NRXN3: variants seen among roughly 807,000 people sequenced by gnomAD.
NRXN3 encodes the protein neurexin III.
A neutral mutation model predicts 137.6 loss-of-function variants in NRXN3; 32 were observed. That is an observed-to-expected ratio of 0.23 (90% CI 0.18 to 0.31). The LOEUF is 0.31. Ranked by LOEUF, NRXN3 falls within the 10% of genes least tolerant of loss-of-function variation. The pLI is 1.00. For synonymous variants in NRXN3, 798 were observed against 784.5 expected, an observed-to-expected ratio of 1.02 and a Z score of -0.29; for missense variants, 1,574 against 2,062.5, an observed-to-expected ratio of 0.76 and a Z score of 4.59.
chr14:79,513,518 C>T (rs1354067458), intron 16 of NRXN3, among the ~76,000 whole-genome samples: 1 of 152,190 alleles, frequency 6.6e-6, no homozygotes, highest in Non-Finnish European at 1.5e-5. Flanking sequence ...GAAGACAAAA[C>T]CAGTTCTACA....
intron 15 of NRXN3, among the ~76,000 whole-genome samples, chr14:79,465,724 T>C (rs911019898): frequency 6.6e-6 from 1 of 152,192 alleles, no homozygotes; most frequent in African/African-American, 2.4e-5. Flanking sequence ...GTAAAAGGTA[T>C]CTGAATGGTT....
At chr14:78,651,891 G>C (rs2097748430) in intron 6 of NRXN3, among the ~76,000 whole-genome samples, 2 of 152,186 alleles carry the variant, frequency 1.3e-5, no homozygotes, top group African/African-American at 4.8e-5. Context: ...TTTGGGTGGG[G>C]ACACAGCCAA....
chr14:79,694,326 C>T (rs1481457636), intron 18 of NRXN3, among the ~76,000 whole-genome samples: 1 of 151,886 alleles, frequency 6.6e-6, no homozygotes, highest in East Asian at 1.9e-4. Flanking sequence ...TGACTGGAGA[C>T]ATGCAAAGAT....
intron 19 of NRXN3, among the ~76,000 whole-genome samples, chr14:79,778,304 T>C (rs1458300748): frequency 6.6e-6 from 1 of 152,126 alleles, no homozygotes; most frequent in Non-Finnish European, 1.5e-5. Context: ...TAATCCCAAC[T>C]ACTCAGGAGG....
intron 15 of NRXN3, among the ~76,000 whole-genome samples, chr14:79,018,763 C>G (rs1159088929): frequency 6.6e-6 from 1 of 152,144 alleles, no homozygotes; most frequent in African/African-American, 2.4e-5. Context: ...TTGCTAGTGT[C>G]TCAATATTTG....
intron 20 of NRXN3, among the ~76,000 whole-genome samples, chr14:79,816,679 A>G (rs1157916121): frequency 6.6e-6 from 1 of 152,212 alleles, no homozygotes; most frequent in African/African-American, 2.4e-5. Context: ...ATCCCATTAC[A>G]TAGTTAGGTT....
At chr14:78,233,294 A>G (rs1448530096) in intron 1 of NRXN3, among the ~76,000 whole-genome samples, 4 of 152,134 alleles carry the variant, frequency 2.6e-5, no homozygotes, top group African/African-American at 7.2e-5. Flanking sequence ...GTTAGTGAAA[A>G]GACAGTCTGG....
At chr14:78,593,161 G>A (rs1046494771) in intron 4 of NRXN3, among the ~76,000 whole-genome samples, 4 of 152,156 alleles carry the variant, frequency 2.6e-5, no homozygotes, top group Admixed American at 2.0e-4. Context: ...ATTGCTGCTG[G>A]ATAGCTGTGT....
chr14:78,182,987 A>C (rs2059944425), intron 1 of NRXN3, among the ~76,000 whole-genome samples: 1 of 152,148 alleles, frequency 6.6e-6, no homozygotes, highest in African/African-American at 2.4e-5. Flanking sequence ...ACATCTCTGC[A>C]TCCTGCCTGG....
intron 10 of NRXN3, among the ~76,000 whole-genome samples, chr14:78,860,538 T>A (rs149052654): frequency 5.9e-5 from 9 of 152,146 alleles, no homozygotes; most frequent in Non-Finnish European, 1.2e-4. Context: ...CAAGTGCACA[T>A]GTACACCTCT....
chr14:78,297,911 G>A (rs1040904221), intron 4 of NRXN3, 51 bp downstream of exon 4: 21 of 1,534,374 alleles, frequency 1.4e-5, no homozygotes, highest in African/African-American at 9.6e-5. Context: ...GCTTGCCTCC[G>A]TGCCTCTGGC....
intron 16 of NRXN3, among the ~76,000 whole-genome samples, chr14:79,634,285 T>G (rs997072059): frequency 2.0e-5 from 3 of 151,254 alleles, no homozygotes. Flanking sequence ...GACGGGCTAG[T>G]CCAGGAATCA....
chr14:79,198,981 A>G (rs2065519535), intron 15 of NRXN3, among the ~76,000 whole-genome samples: 3 of 152,202 alleles, frequency 2.0e-5, no homozygotes, highest in African/African-American at 7.2e-5. Flanking sequence ...CCTGGCTAAC[A>G]TGGTGAAACC....
intron 15 of NRXN3, among the ~76,000 whole-genome samples, chr14:79,198,518 T>G (rs999619405): frequency 3.9e-5 from 6 of 152,262 alleles, no homozygotes; most frequent in Non-Finnish European, 7.3e-5. Context: ...TAGACAGCTA[T>G]GCCACAGCTG....
At chr14:79,702,308 A>G (rs1446557696) in intron 19 of NRXN3, among the ~76,000 whole-genome samples, 1 of 152,028 alleles carries the variant, frequency 6.6e-6, no homozygotes, top group Non-Finnish European at 1.5e-5. Context: ...ATTCCTTACC[A>G]TCGTGGAATT....
chr14:79,444,844 AATAAC>A, intron 15 of NRXN3, among the ~76,000 whole-genome samples: 1 of 152,314 alleles, frequency 6.6e-6, no homozygotes, highest in East Asian at 1.9e-4. Flanking sequence ...TAAATTTAAA[AATAAC>A]ATTAATTAAT....
At chr14:78,703,355 G>T (rs943927720) in intron 6 of NRXN3, among the ~76,000 whole-genome samples, 5 of 152,174 alleles carry the variant, frequency 3.3e-5, no homozygotes, top group Admixed American at 3.3e-4. Flanking sequence ...GGCAGAGACA[G>T]TGGGATGTGT....
chr14:79,254,996 T>G (rs74571295), intron 15 of NRXN3, among the ~76,000 whole-genome samples: 1 of 152,158 alleles, frequency 6.6e-6, no homozygotes, highest in African/African-American at 2.4e-5. Context: ...CTCCCATAAT[T>G]GCTTGGAAGG....
Position 79,246,078 on chromosome 14 carries a change from G to C in NRXN3, c.3263-221143G>C, listed in dbSNP as rs138870363. Among the ~76,000 whole-genome samples, 486 of 152,216 alleles carry C rather than the reference G, an allele frequency of 3.2e-3. 2 individuals are homozygous for C. The highest frequency in any genetic ancestry group is 0.011 in the African/African-American group (457 of 41,542). On this transcript the variant is annotated intron_variant, in intron 15 of 20. Coordinates refer to ENST00000335750, the MANE Select transcript of NRXN3 (RefSeq NM_001330195.2). ...AAATATTGCTGGAACACTATAGTGT[G>C]GGCACTTCAATGTAGTTTTCCTATT...
Sources: gnomAD v4.1 joint callset for allele counts (sites outside exome capture counted in the v4.1 genomes callset) on GRCh38, gnomAD v4.1.1 for gene constraint, MANE v1.5 for transcripts, NCBI Gene and HGNC (gene_info 2026-07-23, HGNC 2026-07-21) for gene names.